TYW1B: variants seen among roughly 807,000 people sequenced by gnomAD.
TYW1B encodes the protein tRNA-yW synthesizing protein 1 homolog B.
A neutral mutation model predicts 86.9 loss-of-function variants in TYW1B; 73 were observed. That is an observed-to-expected ratio of 0.84 (90% CI 0.70 to 1.02). The LOEUF (loss-of-function observed/expected upper bound fraction) is 1.02, where lower values mean the gene tolerates loss of function less well. Among genes scored for constraint, TYW1B ranks in the 50% least tolerant of loss-of-function variants. The pLI is 0.00. For synonymous variants in TYW1B, 248 were observed against 292.8 expected (o/e 0.85, Z 1.56); for missense variants, 637 against 827.4 (o/e 0.77, Z 2.82).
chr7:72,752,868 C>T (rs527553528), intron 7 of TYW1B, among the ~76,000 whole-genome samples: 22 of 151,876 alleles, frequency 1.4e-4, no homozygotes, highest in Admixed American at 3.3e-4. Context: ...CACAGGAATC[C>T]GCTGAAAAAT....
At chr7:72,702,728 A>G (rs1554452799) in intron 10 of TYW1B, among the ~76,000 whole-genome samples, 1 of 152,048 alleles carries the variant, frequency 6.6e-6, no homozygotes, top group African/African-American at 2.4e-5. Context: ...AGAATGGAAT[A>G]TAACAAGTTA....
intron 2 of TYW1B, among the ~76,000 whole-genome samples, chr7:72,820,270 G>A (rs1376222924): frequency 6.6e-6 from 1 of 152,068 alleles, no homozygotes; most frequent in Non-Finnish European, 1.5e-5. Flanking sequence ...GAAAGACTCT[G>A]TCTCAAAAAA....
chr7:72,796,621 G>GT (rs1324103230), intron 6 of TYW1B, among the ~76,000 whole-genome samples: 1 of 151,584 alleles, frequency 6.6e-6, no homozygotes, highest in Non-Finnish European at 1.5e-5. Flanking sequence ...AGTTTGGCCT[G>GT]TAAGAAACCC....
intron 11 of TYW1B, among the ~76,000 whole-genome samples, chr7:72,683,220 A>G (rs1409880532): frequency 1.3e-5 from 2 of 152,188 alleles, no homozygotes; most frequent in African/African-American, 2.4e-5. Flanking sequence ...AACGGGGAAG[A>G]AAAAACTGAG....
At chr7:72,674,591 G>A (rs3015914) in intron 11 of TYW1B, among the ~76,000 whole-genome samples, 8,494 of 151,836 alleles carry the variant, frequency 0.056, 549 homozygotes, top group East Asian at 0.33. Flanking sequence ...ACCCAACCAC[G>A]CCTCCCAGAG....
At position 72,776,644 on chromosome 7, in the gene TYW1B, T is replaced by G. The variant is rs186681497; in HGVS notation, c.964+772A>C. On this transcript the variant is annotated intron_variant, in intron 7 of 13. Transcript: ENST00000620995. ...TGTTATTGCTAGTAAGCAAACAAAA[T>G]ATAAAATAGAGCCACTTTTTAAAAA... 6.8e-3 allele frequency among the ~76,000 whole-genome samples: 772 copies of G among 113,732 alleles called. 11 individuals carry two copies. The highest frequency in any genetic ancestry group is 0.024 in the African/African-American group (753 of 31,362). The allele number at this position is 113,732 out of a possible 152,430, so 74.6% of individuals were successfully genotyped here. A position where few individuals can be genotyped will look rare whatever the true frequency, so the allele number is the denominator to read the frequency against.
At chr7:72,725,969 A>C (rs1480342289) in intron 9 of TYW1B, among the ~76,000 whole-genome samples, 5 of 152,152 alleles carry the variant, frequency 3.3e-5, no homozygotes, top group African/African-American at 1.2e-4. Context: ...CACTCTCCAA[A>C]GGAAAATACG....
intron 10 of TYW1B, among the ~76,000 whole-genome samples, chr7:72,709,413 A>C (rs547845916): frequency 6.6e-6 from 1 of 152,224 alleles, no homozygotes; most frequent in African/African-American, 2.4e-5. Flanking sequence ...TCACGCCTGT[A>C]ATCCCAGCAC....
At chr7:72,671,273 A>C (rs1278945415) in intron 11 of TYW1B, among the ~76,000 whole-genome samples, 1 of 152,154 alleles carries the variant, frequency 6.6e-6, no homozygotes, top group Non-Finnish European at 1.5e-5. Context: ...TAACACTCAG[A>C]AAAGGTACAA....
chr7:72,665,328 G>A (rs34862984), intron 11 of TYW1B, among the ~76,000 whole-genome samples: 3 of 151,130 alleles, frequency 2.0e-5, no homozygotes, highest in South Asian at 2.1e-4. Flanking sequence ...AATGAAAGTC[G>A]TCTGTTCAAT....
intron 7 of TYW1B, among the ~76,000 whole-genome samples, chr7:72,751,728 CTAT>C (rs1787503777): frequency 6.6e-6 from 1 of 152,158 alleles, no homozygotes. Context: ...GACATTCTGT[CTAT>C]TATGTTGGAA....
intron 10 of TYW1B, among the ~76,000 whole-genome samples, chr7:72,711,473 CTTTTTTT>C (rs59438928): frequency 3.2e-4 from 18 of 56,964 alleles, no homozygotes; most frequent in Admixed American, 9.1e-4. Context: ...CTCTTTAATT[CTTTTTTT>C]TTTTTTTTTT....
intron 6 of TYW1B, among the ~76,000 whole-genome samples, chr7:72,784,197 A>T (rs187055467): frequency 2.0e-5 from 3 of 151,906 alleles, no homozygotes; most frequent in Admixed American, 2.0e-4. Flanking sequence ...AACATAAGAG[A>T]AAGAGAAAAT....
chr7:72,658,837 C>T (rs1585882154), intron 11 of TYW1B, among the ~76,000 whole-genome samples: 2 of 152,126 alleles, frequency 1.3e-5, no homozygotes, highest in African/African-American at 2.4e-5. Context: ...TCTCCTGTCT[C>T]GGCCTCCCAA....
chr7:72,640,736 AT>A (rs1240608055), intron 11 of TYW1B, among the ~76,000 whole-genome samples: 1 of 152,106 alleles, frequency 6.6e-6, no homozygotes, highest in East Asian at 1.9e-4. Context: ...ACAATGGAAC[AT>A]TTGTACACAT....
intron 2 of TYW1B, among the ~76,000 whole-genome samples, chr7:72,817,174 C>T (rs1249543922): frequency 1.3e-5 from 2 of 152,134 alleles, no homozygotes; most frequent in African/African-American, 4.8e-5. Context: ...GAAGCCAAGG[C>T]AGACAGATCA....
chr7:72,747,503 T>A (rs1356060461), intron 7 of TYW1B, among the ~76,000 whole-genome samples: 1 of 152,224 alleles, frequency 6.6e-6, no homozygotes, highest in East Asian at 1.9e-4. Flanking sequence ...TTTGTGAGTC[T>A]ATTTCTGGGA....
intron 5 of TYW1B, among the ~76,000 whole-genome samples, chr7:72,803,159 G>C (rs1332311201): frequency 2.0e-5 from 3 of 152,068 alleles, no homozygotes; most frequent in Non-Finnish European, 4.4e-5. Context: ...GTCACTTGAA[G>C]CCAGGAGTTC....
At chr7:72,679,748 T>C (rs1371825241) in intron 11 of TYW1B, among the ~76,000 whole-genome samples, 1 of 152,162 alleles carries the variant, frequency 6.6e-6, no homozygotes, top group Non-Finnish European at 1.5e-5. Context: ...AGGATACATA[T>C]AGGGTTACAT....
Sources: allele counts gnomAD v4.1 joint callset (sites outside exome capture counted in the v4.1 genomes callset), GRCh38; gene constraint gnomAD v4.1.1; transcripts MANE v1.5; gene names NCBI Gene and HGNC (gene_info 2026-07-23, HGNC 2026-07-21).